Variants in TRAF1 observed in about 807,000 individuals in gnomAD.
The protein encoded by TRAF1 is TNF receptor associated factor 1.
Under a neutral mutation model 40.9 loss-of-function variants are expected in TRAF1, and 23 were observed. The ratio of observed to expected loss-of-function variants is 0.56; its 90% CI spans 0.40 to 0.80. TRAF1 has a LOEUF of 0.80. TRAF1 is among the 30% of genes least tolerant of loss of function. TRAF1 has a pLI of 0.00. For synonymous variants in TRAF1, 206 were observed against 218.8 expected (o/e 0.94, Z 0.52); for missense variants, 477 against 528.7 (o/e 0.90, Z 0.96).
In TRAF1 at chr9:120,922,149, C is replaced by T. The variant is rs115105689; in HGVS notation, c.228+1556G>A. Among the ~76,000 whole-genome samples the T allele has an allele frequency of 7.5e-3, 1,139 of 152,282 alleles. 18 individuals carry two copies. Among genetic ancestry groups the T allele is most frequent in the African/African-American group, 0.026 (1,076 of 41,556 alleles). On this transcript the variant is annotated intron_variant, in intron 3 of 7. Transcript: ENST00000373887. The stretch of plus-strand genomic sequence containing the variant: ...GGAGGTAGAGAGGGCGGCTGAGCAA[C>T]GAGACTCCTCTGCAGGTCTCAGGGC...
chr9:120,926,192 ATCT>A lies in TRAF1; in HGVS notation c.-120_-118del, dbSNP rs1027249493. On this transcript the variant is annotated 5_prime_UTR_variant, in exon 2 of 8. Transcript: ENST00000373887. ...GGTGAGTAGGAGCTCTGATGACTTT[ATCT>A]TCTTCTCTCTGGCTTGTGTGGTTCA... The A allele has an allele frequency of 3.5e-6, 4 of 1,152,058 alleles. No homozygotes were observed. Among genetic ancestry groups the A allele is most frequent in the African/African-American group, 3.2e-5 (2 of 62,552 alleles). The allele number at this position is 1,152,058 out of a possible 1,614,324, so 71.4% of individuals were successfully genotyped here. A position where few individuals can be genotyped will look rare whatever the true frequency, so the allele number is the denominator to read the frequency against.
intron 6 of TRAF1, among the ~76,000 whole-genome samples, chr9:120,910,411 A>G (rs943608800): frequency 6.6e-6 from 1 of 152,038 alleles, no homozygotes; most frequent in African/African-American, 2.4e-5. Flanking sequence ...TTAAAAAAAA[A>G]TTGTTTTTTG....
intron 3 of TRAF1, among the ~76,000 whole-genome samples, chr9:120,919,896 C>T (rs2131631381): frequency 6.6e-6 from 1 of 152,278 alleles, no homozygotes; most frequent in South Asian, 2.1e-4. Context: ...ATGCCACCAG[C>T]TCAGGAGCCA....
At chr9:120,906,438 C>T (rs2046483369) in intron 7 of TRAF1, among the ~76,000 whole-genome samples, 2 of 152,142 alleles carry the variant, frequency 1.3e-5, no homozygotes, top group African/African-American at 4.8e-5. Flanking sequence ...CTCGGCCTTC[C>T]AAAGTGCCAG....
chr9:120,913,527 C>G lies in TRAF1; in HGVS notation c.506G>C (p.Cys169Ser). The stretch of plus-strand genomic sequence containing the variant: ...GGCCAGCTCCTCCTGGCTCTCGGAG[C>G]AGGGTGCCCGGTAGCAATCGACCTC... ...DLEVDCYRAPCSESQEELALQ... is the reference protein window; with the variant it reads ...DLEVDCYRAPSSESQEELALQ... Residue 169 changes from cysteine to serine, a missense_variant, in exon 5 of 8, where the codon TGC becomes TCC. Physicochemically the swap from Cys to Ser is moderately radical, Grantham distance 112. Coordinates refer to ENST00000373887, the MANE Select transcript of TRAF1 (RefSeq NM_005658.5). The G allele has an allele frequency of 6.2e-7, 1 of 1,613,912 alleles. No individual in the cohort carries two copies. Among genetic ancestry groups the G allele is most frequent in the Non-Finnish European group, 8.5e-7 (1 of 1,179,978 alleles).
Position 120,905,104 on chromosome 9 carries a change from G to T in TRAF1, c.1167C>A (p.Pro389=). ...NVASGCPLFF[P]LSKLQSPKHA... is the part of the protein sequence containing the mutation. Reference sequence around the variant, plus strand: ...GCTTGGGTGACTGCAGTTTGCTGAGGGGGAAGAAGAGTGGGCATCCACTGG... The same window carrying T: ...GCTTGGGTGACTGCAGTTTGCTGAGTGGGAAGAAGAGTGGGCATCCACTGG... Residue 389 remains proline, a synonymous_variant, in exon 8 of 8, where the codon CCC becomes CCA. Coordinates refer to ENST00000373887, the MANE Select transcript of TRAF1 (RefSeq NM_005658.5). The T allele has an allele frequency of 6.2e-7, 1 of 1,614,276 alleles. No individual in the cohort carries two copies. The highest frequency in any genetic ancestry group is 1.1e-5 in the South Asian group (1 of 91,090).
intron 6 of TRAF1, among the ~76,000 whole-genome samples, chr9:120,910,125 A>G (rs2131621476): frequency 6.6e-6 from 1 of 152,310 alleles, no homozygotes; most frequent in South Asian, 2.1e-4. Flanking sequence ...GGAGAGGCTG[A>G]CTGGGGACAT....
rs201073899 is a variant in TRAF1, at chr9:120,909,284, G to T, written c.978C>A (p.Ile326=). The T allele has an allele frequency of 1.9e-6, 3 of 1,614,152 alleles. No individual in the cohort carries two copies. The highest frequency in any genetic ancestry group is 2.5e-6 in the Non-Finnish European group (3 of 1,180,028). ...TGKRTHLSLF[I]VIMRGEYDAL... ...CATCATACTCCCCTCTCATGATCAC[G>T]ATGAAGAGCGACAGATGGGTTCTCT... The change falls in exon 7 of 8, where the codon ATC becomes ATA. Residue 326 remains isoleucine (I), a synonymous_variant. Transcript: ENST00000373887.
intron 7 of TRAF1, among the ~76,000 whole-genome samples, chr9:120,907,626 G>A (rs927796171): frequency 3.9e-5 from 6 of 152,150 alleles, no homozygotes; most frequent in Admixed American, 6.5e-5. Flanking sequence ...CCACATCCTC[G>A]TCAGCATTTG....
intron 7 of TRAF1, 97 bp downstream of exon 7, chr9:120,909,133 G>T: frequency 2.1e-6 from 3 of 1,444,762 alleles, no homozygotes; most frequent in Non-Finnish European, 1.9e-6. Context: ...GAGGGTGGGG[G>T]ACTTGCCAGG....
intron 5 of TRAF1, among the ~76,000 whole-genome samples, chr9:120,912,923 C>A (rs2046539180): frequency 6.6e-6 from 1 of 152,196 alleles, no homozygotes; most frequent in South Asian, 2.1e-4. Context: ...GACCCTCCAT[C>A]CCTGAAGGGC....
intron 3 of TRAF1, among the ~76,000 whole-genome samples, chr9:120,918,902 G>A (rs912919729): frequency 6.6e-6 from 1 of 152,238 alleles, no homozygotes; most frequent in Non-Finnish European, 1.5e-5. Flanking sequence ...AGCCATGAGG[G>A]GGAGGTTGGG....
Position 120,913,500 on chromosome 9 carries a change from A to C in TRAF1, c.533T>G (p.Leu178Arg), listed in dbSNP as rs2046544930. 6.2e-7 allele frequency: 1 copy of C among 1,613,882 alleles called. No individual in the cohort carries two copies. Among genetic ancestry groups the C allele is most frequent in the African/African-American group, 1.3e-5 (1 of 74,922 alleles). ...AAGCTTCTCCTTCATGAAGTGCTGCAGGGCCAGCTCCTCCTGGCTCTCGGA... is the reference window on the plus strand; with the variant it reads ...AAGCTTCTCCTTCATGAAGTGCTGCCGGGCCAGCTCCTCCTGGCTCTCGGA... ...PCSESQEELA[L>R]QHFMKEKLLA... Residue 178 changes from leucine to arginine, a missense_variant, in exon 5 of 8, where the codon CTG becomes CGG. Transcript: ENST00000373887.
rs144390690 is a variant in TRAF1 at position 120,913,708 on chromosome 9, C to T, written c.325G>A (p.Val109Ile). Residue 109 changes from valine (V) to isoleucine (I), a missense_variant, in exon 5 of 8, where the codon GTC becomes ATC. Transcript: ENST00000373887. ...GSPQSVQEHE[V>I]TSQTSHLNLL... is the part of the protein sequence containing the mutation. ...TTTAGGTGGGAGGTCTGGGAGGTGA[C>T]CTCATGCTCTTGCACAGACTGTGGG... 42 of 1,599,970 alleles carry T rather than the reference C, an allele frequency of 2.6e-5. No individual in the cohort carries two copies. In the African/African-American group the frequency reaches 4.5e-4, roughly 17 times the overall value.
rs1222721488 is a variant in TRAF1, at chr9:120,913,378, T to C, written c.655A>G (p.Ile219Val). ...EASHLALATS[I>V]HQSQLDRERI... ...TCACGGTCCAGCTGGCTCTGGTGGA[T>C]AGAGGTGGCCAGGGCCAGGTGGGAG... Residue 219 changes from isoleucine to valine, a missense_variant, in exon 5 of 8, where the codon ATC becomes GTC. Transcript: ENST00000373887. 5 of 1,613,728 alleles carry C rather than the reference T, an allele frequency of 3.1e-6. No individual in the cohort carries two copies. The highest frequency in any genetic ancestry group is 1.1e-5 in the South Asian group (1 of 91,052).
chr9:120,925,988 G>A lies in TRAF1; in HGVS notation c.88C>T (p.Pro30Ser), dbSNP rs1389459769. 1.2e-6 allele frequency: 2 copies of A among 1,613,620 alleles called. No homozygotes were observed. The highest frequency in any genetic ancestry group is 2.2e-5 in the South Asian group (2 of 91,066). The part of the protein sequence containing the change: ...FGCPPTVCQD[P>S]KEPRALCCAG... ...CAGCAGAGAGCCCTGGGCTCCTTTG[G>A]GTCCTGGCAGACGGTGGGAGGGCAC... Residue 30 changes from proline to serine, a missense_variant, in exon 2 of 8, where the codon CCA becomes TCA. Physicochemically the swap from Pro to Ser is moderately conservative, Grantham distance 74 (BLOSUM62 -1). Coordinates refer to ENST00000373887, the MANE Select transcript of TRAF1 (RefSeq NM_005658.5).
intron 2 of TRAF1, among the ~76,000 whole-genome samples, chr9:120,925,139 C>T (rs2046630644): frequency 6.6e-6 from 1 of 152,252 alleles, no homozygotes; most frequent in African/African-American, 2.4e-5. Context: ...TTGCCACCTT[C>T]TTAAGCTGTA....
At chr9:120,928,726 CTG>C (rs2046656423), upstream of TRAF1, 1 of 152,272 alleles carries the variant, frequency 6.6e-6, no homozygotes, top group Non-Finnish European at 1.5e-5. Flanking sequence ...GCGCCCCGCT[CTG>C]TGATTCCTCG....
At chr9:120,914,482 C>T (rs1325789847) in intron 3 of TRAF1, 182 bp from the exon 4 acceptor site, 2 of 1,218,048 alleles carry the variant, frequency 1.6e-6, no homozygotes, top group East Asian at 3.3e-5. Context: ...CATGACCTTC[C>T]TTCAAAACAG....
Sources: gnomAD v4.1 joint callset for allele counts (sites outside exome capture counted in the v4.1 genomes callset) on GRCh38, gnomAD v4.1.1 for gene constraint, MANE v1.5 for transcripts, NCBI Gene and HGNC (gene_info 2026-07-23, HGNC 2026-07-21) for gene names.